Variants in ZPLD1 observed in about 807,000 individuals in gnomAD.
The protein encoded by ZPLD1 is zona pellucida like domain containing 1.
Under a neutral mutation model 47.2 loss-of-function variants are expected in ZPLD1, and 34 were observed. The observed-to-expected ratio is 0.72, with a 90% CI of 0.55 to 0.96. The LOEUF (loss-of-function observed/expected upper bound fraction) is 0.96, where lower values mean the gene tolerates loss of function less well. Ranked by LOEUF, ZPLD1 falls within the 40% of genes least tolerant of loss-of-function variation. ZPLD1 has a pLI of 0.00. For synonymous variants in ZPLD1, 176 were observed against 186.2 expected, an observed-to-expected ratio of 0.95 and a Z score of 0.45; for missense variants, 512 against 505.8, an observed-to-expected ratio of 1.01 and a Z score of -0.12.
At chr3:102,392,563 C>T (rs1057365509) in intron 7 of ZPLD1, among the ~76,000 whole-genome samples, 59 of 150,320 alleles carry the variant, frequency 3.9e-4, no homozygotes, top group African/African-American at 1.3e-3. Context: ...TTCCTCCTTC[C>T]TCCTTCCTCC....
At chr3:102,425,841 C>G (rs1191411470) in intron 8 of ZPLD1, among the ~76,000 whole-genome samples, 2 of 150,572 alleles carry the variant, frequency 1.3e-5, no homozygotes. Context: ...ATAAGTTAGT[C>G]TTATTTTTAC....
chr3:102,456,155 G>T (rs770697632), intron 4 of ZPLD1, 38 bp from the exon 5 acceptor site: 69 of 1,570,764 alleles, frequency 4.4e-5, no homozygotes, highest in Non-Finnish European at 5.6e-5. Flanking sequence ...TGTATATATA[G>T]CCATTTAATC....
chr3:102,407,758 T>G (rs1243536912), intron 7 of ZPLD1, among the ~76,000 whole-genome samples: 3 of 151,666 alleles, frequency 2.0e-5, no homozygotes, highest in Non-Finnish European at 2.9e-5. Flanking sequence ...AGACATCGTT[T>G]TTAATACTGT....
chr3:102,413,140 A>G (rs1236000567), intron 7 of ZPLD1, among the ~76,000 whole-genome samples: 3 of 151,920 alleles, frequency 2.0e-5, no homozygotes, highest in Non-Finnish European at 4.4e-5. Flanking sequence ...TATATATAGA[A>G]ACAAACAAAT....
chr3:102,421,000 A>G (rs1044785172), intron 8 of ZPLD1, among the ~76,000 whole-genome samples: 3 of 151,910 alleles, frequency 2.0e-5, no homozygotes, highest in African/African-American at 7.2e-5. Flanking sequence ...CCTAAGGCCA[A>G]ATGAAAATGT....
At chr3:102,454,931 A>G (rs1387364728) in intron 4 of ZPLD1, among the ~76,000 whole-genome samples, 1 of 152,244 alleles carries the variant, frequency 6.6e-6, no homozygotes, top group African/African-American at 2.4e-5. Flanking sequence ...TGGTTTAGCT[A>G]TCAAATAAAG....
chr3:102,442,182 C>T (rs1707189148), intron 3 of ZPLD1, among the ~76,000 whole-genome samples: 1 of 151,974 alleles, frequency 6.6e-6, no homozygotes, highest in Non-Finnish European at 1.5e-5. Flanking sequence ...GGGAGGAAGT[C>T]TCCTCCTCTA....
chr3:102,460,442 T>C (rs1212499419), intron 6 of ZPLD1, among the ~76,000 whole-genome samples: 1 of 152,006 alleles, frequency 6.6e-6, no homozygotes, highest in Non-Finnish European at 1.5e-5. Flanking sequence ...AGATTACCAG[T>C]TGAACTGTGG....
chr3:102,398,069 A>G (rs1193576355), intron 7 of ZPLD1, among the ~76,000 whole-genome samples: 1 of 152,140 alleles, frequency 6.6e-6, no homozygotes, highest in African/African-American at 2.4e-5. Context: ...TCATATATAC[A>G]TATAGATTCA....
chr3:102,414,176 C>T (rs1706778175), intron 7 of ZPLD1, among the ~76,000 whole-genome samples: 1 of 151,732 alleles, frequency 6.6e-6, no homozygotes, highest in Non-Finnish European at 1.5e-5. Context: ...AAGGGATTCT[C>T]AATTTAACTA....
At chr3:102,443,714 G>A (rs1707214568) in intron 3 of ZPLD1, among the ~76,000 whole-genome samples, 1 of 152,170 alleles carries the variant, frequency 6.6e-6, no homozygotes, top group Admixed American at 6.6e-5. Flanking sequence ...GAATTCATGA[G>A]TGAGTTCAGT....
chr3:102,409,229 G>A (rs1308641969), intron 7 of ZPLD1, among the ~76,000 whole-genome samples: 1 of 151,708 alleles, frequency 6.6e-6, no homozygotes, highest in Non-Finnish European at 1.5e-5. Flanking sequence ...AAAAATAGGG[G>A]TCAGATTTAT....
chr3:102,397,418 A>G (rs1706570628), intron 7 of ZPLD1, among the ~76,000 whole-genome samples: 1 of 152,078 alleles, frequency 6.6e-6, no homozygotes, highest in African/African-American at 2.4e-5. Context: ...TTGCCACTGA[A>G]TGTTGCTTGG....
At chr3:102,475,621 A>C (rs928171106) in intron 10 of ZPLD1, among the ~76,000 whole-genome samples, 12 of 152,170 alleles carry the variant, frequency 7.9e-5, no homozygotes, top group African/African-American at 2.9e-4. Context: ...CATGAGAAGG[A>C]AGTGTTATTA....
Position 102,453,109 on chromosome 3 carries a change from C to A in ZPLD1, c.297C>A (p.Ser99Arg), listed in dbSNP as rs1167460114. 2 of 1,613,904 alleles carry A rather than the reference C, an allele frequency of 1.2e-6. No individual in the cohort carries two copies. The highest frequency in any genetic ancestry group is 1.6e-4 in the Middle Eastern group (1 of 6,082). ...TGGTCATTTTTATCATCAATCTCAG[C>A]ACCTTGGAGGGCTGTGGAAACAACC... ...PAVVIFIINL[S>R]TLEGCGNNLV... The change falls in exon 4 of 12, where the codon AGC becomes AGA. Residue 99 changes from serine (S) to arginine (R), a missense_variant. By Grantham distance (110) the Ser-to-Arg change is moderately radical. Transcript: ENST00000466937.
intron 3 of ZPLD1, among the ~76,000 whole-genome samples, chr3:102,448,578 G>A (rs1369961351): frequency 6.6e-6 from 1 of 152,186 alleles, no homozygotes; most frequent in Non-Finnish European, 1.5e-5. Context: ...AGAAAACTGG[G>A]TTAGGAAAGA....
At chr3:102,456,595 C>A (rs963163510) in intron 5 of ZPLD1, among the ~76,000 whole-genome samples, 1 of 114,336 alleles carries the variant, frequency 8.7e-6, no homozygotes, top group African/African-American at 3.2e-5. Flanking sequence ...CTATCTATCT[C>A]TAATTGTTAT....
In ZPLD1 at chr3:102,477,713, T is replaced by A. The variant is rs887378062; in HGVS notation, c.*95T>A. On this transcript the variant is annotated 3_prime_UTR_variant, in exon 12 of 12. Coordinates refer to ENST00000466937, the MANE Select transcript of ZPLD1 (RefSeq NM_001329788.2). Reference sequence around the variant, plus strand: ...CGTCTGAATTTCATGTCAGTCCACATTCAATATTTGTAGGTTTGATAAATT... The same window carrying A: ...CGTCTGAATTTCATGTCAGTCCACAATCAATATTTGTAGGTTTGATAAATT... 8.4e-7 allele frequency: 1 copy of A among 1,183,634 alleles called. No individual in the cohort carries two copies. Among genetic ancestry groups the A allele is most frequent in the Non-Finnish European group, 1.2e-6 (1 of 854,282 alleles). 73.3% of individuals were successfully genotyped at this position (1,183,634 alleles called of 1,614,324 possible).
chr3:102,393,079 A>G (rs1706515578), intron 7 of ZPLD1, among the ~76,000 whole-genome samples: 1 of 152,164 alleles, frequency 6.6e-6, no homozygotes, highest in Non-Finnish European at 1.5e-5. Flanking sequence ...GAATTTGTCA[A>G]CACAAATATT....
Sources: gnomAD v4.1 joint callset for allele counts (sites outside exome capture counted in the v4.1 genomes callset) on GRCh38, gnomAD v4.1.1 for gene constraint, MANE v1.5 for transcripts, NCBI Gene and HGNC (gene_info 2026-07-23, HGNC 2026-07-21) for gene names.